COLEC10: variants seen among roughly 807,000 people sequenced by gnomAD.
The protein encoded by COLEC10 is collectin subfamily member 10, also known as collectin-10.
Under a neutral mutation model 28.4 loss-of-function variants are expected in COLEC10, and 22 were observed. The observed-to-expected ratio is 0.78, with a 90% CI of 0.55 to 1.11. COLEC10 has a LOEUF of 1.11. COLEC10 is among the 50% of genes least tolerant of loss of function. The probability of loss-of-function intolerance (pLI) is 0.00; values close to 1 mark genes in which losing one functional copy is unlikely to be tolerated. For synonymous variants in COLEC10, 125 were observed against 116.1 expected (o/e 1.08, Z -0.49); for missense variants, 361 against 344.1 (o/e 1.05, Z -0.39).
intron 2 of COLEC10, among the ~76,000 whole-genome samples, chr8:119,044,081 G>C (rs567374221): frequency 6.6e-6 from 1 of 152,260 alleles, no homozygotes; most frequent in Admixed American, 6.5e-5. Flanking sequence ...ACTGAAGCTA[G>C]AGAGACCACG....
At chr8:119,063,480 A>C (rs1307206101), upstream of COLEC10, among the ~76,000 whole-genome samples, 2 of 152,232 alleles carry the variant, frequency 1.3e-5, no homozygotes, top group South Asian at 2.1e-4. Context: ...CTTGTTGCGT[A>C]ACTCTCATTT....
At chr8:119,097,556 A>G (rs1437687778) in intron 3 of COLEC10, among the ~76,000 whole-genome samples, 1 of 152,104 alleles carries the variant, frequency 6.6e-6, no homozygotes, top group Non-Finnish European at 1.5e-5. Context: ...CTTATGATAC[A>G]TATTCATTTT....
chr8:119,030,540 T>C lies in COLEC10; in HGVS notation n.235+20987T>C, dbSNP rs182089479. ...TACTTTGCAGTGGCTTGCTCTGAAGTGTGAATCCTGGTTCTACTACTGACT... is the reference window on the plus strand; with the variant it reads ...TACTTTGCAGTGGCTTGCTCTGAAGCGTGAATCCTGGTTCTACTACTGACT... On this transcript the variant is annotated intron_variant and non_coding_transcript_variant, in intron 2 of 6. Transcript: ENST00000521788. 6.6e-3 allele frequency among the ~76,000 whole-genome samples: 1,000 copies of C among 152,174 alleles called. 5 individuals carry two copies. The highest frequency in any genetic ancestry group is 0.011 in the Non-Finnish European group (741 of 68,010).
intron 2 of COLEC10, among the ~76,000 whole-genome samples, chr8:119,036,934 A>G (rs1814399483): frequency 6.6e-6 from 1 of 152,190 alleles, no homozygotes; most frequent in Non-Finnish European, 1.5e-5. Flanking sequence ...CTGTAGGTAG[A>G]GGGCTCAGAC....
chr8:118,972,595 CT>C, the COLEC10 span, among the ~76,000 whole-genome samples: 1 of 152,114 alleles, frequency 6.6e-6, no homozygotes, highest in Middle Eastern at 3.4e-3. Context: ...ACAAAATTAT[CT>C]CCTAGTCTTC....
At position 119,000,107 on chromosome 8, in the gene COLEC10, C is replaced by T. The variant is rs779808431; in HGVS notation, n.122+4534C>T. On this transcript the variant is annotated intron_variant and non_coding_transcript_variant, in intron 1 of 6. Coordinates refer to the COLEC10 transcript ENST00000521788. ...AGCAGCAGTGAAGGGGATGGTCTTA[C>T]ATGAGAGCAGGACACCTATTCCATT... Among the ~76,000 whole-genome samples the T allele has an allele frequency of 3.3e-5, 5 of 152,262 alleles. No individual in the cohort carries two copies. The Middle Eastern group carries it at 0.01, about 311-fold the overall frequency.
intron 2 of COLEC10, among the ~76,000 whole-genome samples, chr8:119,037,160 G>A (rs540114264): frequency 1.3e-5 from 2 of 152,244 alleles, no homozygotes; most frequent in South Asian, 2.1e-4. Flanking sequence ...AACCAGAGAA[G>A]GACCCATACA....
At chr8:119,004,648 A>T (rs1294206249) in intron 1 of COLEC10, among the ~76,000 whole-genome samples, 1 of 151,418 alleles carries the variant, frequency 6.6e-6, no homozygotes, top group Admixed American at 6.6e-5. Flanking sequence ...TATCCAACCC[A>T]TCTTCAAACT....
intron 5 of COLEC10, among the ~76,000 whole-genome samples, chr8:119,104,502 G>C (rs987927138): frequency 1.8e-4 from 27 of 152,038 alleles, no homozygotes; most frequent in African/African-American, 6.5e-4. Context: ...GTTATCCCTT[G>C]TCCATTTTTT....
At chr8:119,067,978 G>C (rs1400665596) in intron 1 of COLEC10, 3 of 152,006 alleles carry the variant, frequency 2.0e-5, no homozygotes, top group African/African-American at 7.3e-5. Flanking sequence ...TGGAAGTGTA[G>C]TCTCTGGGGC....
At chr8:118,964,278 A>C in the COLEC10 span, among the ~76,000 whole-genome samples, 1 of 152,088 alleles carries the variant, frequency 6.6e-6, no homozygotes, top group Non-Finnish European at 1.5e-5. Context: ...TTTTAATTAT[A>C]TTTTTGCAGA....
At chr8:119,059,848 C>T (rs1485316) in intron 2 of COLEC10, among the ~76,000 whole-genome samples, 33,493 of 151,860 alleles carry the variant, frequency 0.22, 3,970 homozygotes, top group East Asian at 0.48. Flanking sequence ...ATTCATGTAT[C>T]AAAATTGCAA....
At chr8:119,052,603 G>A (rs183231138) in intron 2 of COLEC10, among the ~76,000 whole-genome samples, 1 of 152,130 alleles carries the variant, frequency 6.6e-6, no homozygotes, top group East Asian at 1.9e-4. Context: ...ACTCACAGAA[G>A]AATGAGATCC....
chr8:119,052,334 C>T (rs972097713), intron 2 of COLEC10, among the ~76,000 whole-genome samples: 1 of 152,064 alleles, frequency 6.6e-6, no homozygotes, highest in African/African-American at 2.4e-5. Context: ...ACTGACCTCT[C>T]ACAAAGATCA....
intron 1 of COLEC10, among the ~76,000 whole-genome samples, chr8:119,001,659 A>C (rs1203554810): frequency 6.6e-6 from 1 of 152,164 alleles, no homozygotes; most frequent in Non-Finnish European, 1.5e-5. Flanking sequence ...CCCTGATATC[A>C]AACCTGGTTC....
intron 1 of COLEC10, among the ~76,000 whole-genome samples, chr8:119,085,329 A>G (rs1262688124): frequency 6.6e-6 from 1 of 152,236 alleles, no homozygotes; most frequent in Non-Finnish European, 1.5e-5. Flanking sequence ...TGAAGTGATG[A>G]GGTTGAGGTT....
chr8:119,031,253 C>T (rs1028546747), intron 2 of COLEC10, among the ~76,000 whole-genome samples: 3 of 152,112 alleles, frequency 2.0e-5, no homozygotes, highest in East Asian at 1.9e-4. Flanking sequence ...TTAAATCTGT[C>T]GTGTACACCC....
At chr8:119,070,282 A>T (rs1207625186) in intron 1 of COLEC10, among the ~76,000 whole-genome samples, 1 of 152,052 alleles carries the variant, frequency 6.6e-6, no homozygotes, top group Non-Finnish European at 1.5e-5. Context: ...AATTTTAACA[A>T]ATTCTATTTT....
the COLEC10 span, among the ~76,000 whole-genome samples, chr8:118,963,951 T>C: frequency 1.3e-5 from 2 of 152,126 alleles, no homozygotes; most frequent in Non-Finnish European, 2.9e-5. Context: ...GGATGCATGT[T>C]GAACAAACAG....
Sources: allele counts gnomAD v4.1 joint callset (sites outside exome capture counted in the v4.1 genomes callset), GRCh38; gene constraint gnomAD v4.1.1; transcripts MANE v1.5; gene names NCBI Gene and HGNC (gene_info 2026-07-23, HGNC 2026-07-21).